Variants in COL12A1 observed in about 807,000 individuals in gnomAD.
The protein encoded by COL12A1 is collagen type XII alpha 1 chain, also known as collagen alpha-1(XII) chain.
In COL12A1, 114 loss-of-function variants were observed where a neutral mutation model predicts 349.7. The ratio of observed to expected loss-of-function variants is 0.33; its 90% CI spans 0.28 to 0.38. The LOEUF is 0.38. Among genes scored for constraint, COL12A1 ranks in the 10% least tolerant of loss-of-function variants. The pLI is 1.00. For synonymous variants in COL12A1, 1,369 were observed against 1,329.0 expected (o/e 1.03, Z -0.66); for missense variants, 3,284 against 3,756.9 (o/e 0.87, Z 3.29).
At chr6:75,163,648 A>C (rs886989319) in intron 14 of COL12A1, among the ~76,000 whole-genome samples, 1 of 152,094 alleles carries the variant, frequency 6.6e-6, no homozygotes, top group Non-Finnish European at 1.5e-5. Context: ...GTACCCCAGA[A>C]CTTAAAGTAT....
intron 13 of COL12A1, among the ~76,000 whole-genome samples, chr6:75,169,950 G>T (rs551674328): frequency 2.0e-5 from 3 of 152,158 alleles, no homozygotes; most frequent in African/African-American, 7.2e-5. Flanking sequence ...TCTAGTGTGT[G>T]CTTGCATGTG....
intron 51 of COL12A1, among the ~76,000 whole-genome samples, chr6:75,110,129 C>G (rs1285399857): frequency 6.6e-6 from 1 of 151,826 alleles, no homozygotes; most frequent in Non-Finnish European, 1.5e-5. Flanking sequence ...ACATAACTTA[C>G]CAAAAATAAA....
At chr6:75,096,386 T>G (rs1393302659) in intron 59 of COL12A1, among the ~76,000 whole-genome samples, 1 of 152,152 alleles carries the variant, frequency 6.6e-6, no homozygotes, top group Non-Finnish European at 1.5e-5. Flanking sequence ...CACACAGACA[T>G]GGAGGCTATC....
At chr6:75,188,623 C>T in intron 7 of COL12A1, 88 bp from the exon 8 acceptor site, 4 of 1,391,832 alleles carry the variant, frequency 2.9e-6, no homozygotes, top group African/African-American at 2.9e-5. Flanking sequence ...TCTTTCACAA[C>T]TGAAGACATA....
chr6:75,147,460 CT>C, intron 23 of COL12A1, among the ~76,000 whole-genome samples: 1 of 152,290 alleles, frequency 6.6e-6, no homozygotes, highest in African/African-American at 2.4e-5. Flanking sequence ...CAGTGACCCC[CT>C]ATTCCACAGT....
chr6:75,190,610 C>T lies in COL12A1; in HGVS notation c.395-795G>A, dbSNP rs142349551. On this transcript the variant is annotated intron_variant, in intron 5 of 65. Transcript: ENST00000322507. ...CTGAATATGTTATCTTTCCTTCTCT[C>T]TATGGTGGAGGTCAGGTTGGTTTTA... Among the ~76,000 whole-genome samples the T allele has an allele frequency of 2.3e-3, 343 of 151,956 alleles. 1 individual carries two copies. Among genetic ancestry groups the T allele is most frequent in the African/African-American group, 7.9e-3 (328 of 41,502 alleles).
Position 75,084,579 on chromosome 6 carries a change from T to C in COL12A1, c.*1968A>G, listed in dbSNP as rs2149318095. The C allele has an allele frequency of 6.5e-6, 1 of 152,802 alleles. No individual in the cohort carries two copies. Among genetic ancestry groups the C allele is most frequent in the African/African-American group, 2.4e-5 (1 of 41,562 alleles). 9.5% of individuals were successfully genotyped at this position (152,802 alleles called of 1,614,324 possible). ...CTGCAATTTGGTATAAATGTTAGTGTGTCTAAAACAAGGAGGTTTAAGGCA... is the reference window on the plus strand; with the variant it reads ...CTGCAATTTGGTATAAATGTTAGTGCGTCTAAAACAAGGAGGTTTAAGGCA... On this transcript the variant is annotated 3_prime_UTR_variant, in exon 66 of 66. Transcript: ENST00000322507.
At chr6:75,092,044 TAAAA>T (rs1767792734) in intron 60 of COL12A1, among the ~76,000 whole-genome samples, 1 of 152,090 alleles carries the variant, frequency 6.6e-6, no homozygotes, top group African/African-American at 2.4e-5. Context: ...ACATTTGAGA[TAAAA>T]GAAACTGGGT....
chr6:75,183,566 C>T lies in COL12A1; in HGVS notation c.1375G>A (p.Val459Ile), dbSNP rs368199250. Reference sequence around the variant, plus strand: ...ACAAGAACTTCCAAAAAGGCTCTAACTTTAACAAAGTTTGCAATCCCAATG... The same window carrying T: ...ACAAGAACTTCCAAAAAGGCTCTAATTTTAACAAAGTTTGCAATCCCAATG... ...YSIGIANFVKVRAFLEVLVKS... is the reference protein window; with the variant it reads ...YSIGIANFVKIRAFLEVLVKS... The change falls in exon 10 of 66, where the codon GTT becomes ATT. Residue 459 changes from valine to isoleucine, a missense_variant. Val to Ile is a conservative substitution (Grantham distance 29). This residue lies in a region of COL12A1 where 2,601 missense variants were observed against 2,824.8 expected (regional missense o/e 0.92). Coordinates refer to ENST00000322507, the MANE Select transcript of COL12A1 (RefSeq NM_004370.6). 1.5e-5 allele frequency: 24 copies of T among 1,614,020 alleles called. No individual in the cohort carries two copies. The highest frequency in any genetic ancestry group is 1.9e-5 in the Non-Finnish European group (22 of 1,180,034).
chr6:75,192,434 G>T, intron 3 of COL12A1, 79 bp from the exon 4 acceptor site: 1 of 1,298,078 alleles, frequency 7.7e-7, no homozygotes, highest in Non-Finnish European at 1.1e-6. Flanking sequence ...ATTCCCAGAG[G>T]TACTCAAAAT....
rs1407845992 is a variant in COL12A1, at chr6:75,138,804, A to G, written c.5097+18T>C. On this transcript the variant is annotated intron_variant, in intron 28 of 65. Coordinates refer to ENST00000322507, the MANE Select transcript of COL12A1 (RefSeq NM_004370.6). ...TGGGACATGAAAGACAGAGAGAAAG[A>G]TAAAGAGAGTTAACTACCTCCATCT... 1 of 1,613,472 alleles carries G rather than the reference A, an allele frequency of 6.2e-7. No individual in the cohort carries two copies. The highest frequency in any genetic ancestry group is 8.5e-7 in the Non-Finnish European group (1 of 1,179,770).
intron 52 of COL12A1, among the ~76,000 whole-genome samples, chr6:75,107,532 A>G (rs952153034): frequency 6.6e-6 from 1 of 152,156 alleles, no homozygotes; most frequent in Non-Finnish European, 1.5e-5. Flanking sequence ...CGGCCTCCCA[A>G]AGTGCTGGGA....
At position 75,119,411 on chromosome 6, in the gene COL12A1, G is replaced by A; in HGVS notation, c.7149C>T (p.Asp2383=). 6.2e-7 allele frequency: 1 copy of A among 1,613,940 alleles called. No individual in the cohort carries two copies. The highest frequency in any genetic ancestry group is 8.5e-7 in the Non-Finnish European group (1 of 1,179,882). ...KSEFKLNTYN[D]KALALGALQN... is the part of the protein sequence containing the mutation. ...GGAGGGCCCCAAGGGCTAGGGCCTT[G>A]TCATTGTACGTGTTCAGCTTGAACT... Residue 2383 remains aspartate, a synonymous_variant, in exon 45 of 66, where the codon GAC becomes GAT. Coordinates refer to ENST00000322507, the MANE Select transcript of COL12A1 (RefSeq NM_004370.6).
At chr6:75,160,474 C>T (rs1767978926) in intron 14 of COL12A1, among the ~76,000 whole-genome samples, 1 of 152,166 alleles carries the variant, frequency 6.6e-6, no homozygotes. Flanking sequence ...CCTTAGGATT[C>T]CTCTACCATC....
chr6:75,174,555 C>CA (rs1768817460), intron 13 of COL12A1, among the ~76,000 whole-genome samples: 1 of 150,852 alleles, frequency 6.6e-6, no homozygotes, highest in South Asian at 2.1e-4. Flanking sequence ...GACTCTGTCT[C>CA]ACAAAAAAAA....
At position 75,117,429 on chromosome 6, in the gene COL12A1, T is replaced by C. The variant is rs199633490; in HGVS notation, c.7472A>G (p.Lys2491Arg). 2.9e-5 allele frequency: 47 copies of C among 1,613,574 alleles called. No homozygotes were observed. Among genetic ancestry groups the C allele is most frequent in the South Asian group, 1.6e-4 (15 of 91,072 alleles). Residue 2491 changes from lysine to arginine, a missense_variant, in exon 47 of 66, where the codon AAG (lysine) becomes AGG (arginine). This residue lies in a region of COL12A1 where 683 missense variants were observed against 932.1 expected (regional missense o/e 0.73). Transcript: ENST00000322507. The stretch of plus-strand genomic sequence containing the variant: ...AAATGTAATAAGATTGTCTTCGATC[T>C]TCTCAAAAGATTCAAAGTCGTCCAC... ...FIVDDFESFE[K>R]IEDNLITFVC...
chr6:75,092,651 T>C (rs1014489568), intron 60 of COL12A1, among the ~76,000 whole-genome samples: 1 of 151,040 alleles, frequency 6.6e-6, no homozygotes, highest in Non-Finnish European at 1.5e-5. Flanking sequence ...ACTACTCCAA[T>C]ACCCTCCTAA....
At chr6:75,175,662 A>G (rs1768900605) in intron 12 of COL12A1, among the ~76,000 whole-genome samples, 1 of 152,244 alleles carries the variant, frequency 6.6e-6, no homozygotes, top group Non-Finnish European at 1.5e-5. Context: ...TTAGTATTAC[A>G]ATGCAGATTT....
At chr6:75,089,360 G>A (rs1459701300) in intron 63 of COL12A1, among the ~76,000 whole-genome samples, 186 bp from the exon 64 acceptor site, 2 of 151,970 alleles carry the variant, frequency 1.3e-5, no homozygotes, top group African/African-American at 4.8e-5. Flanking sequence ...TAGATTTATG[G>A]CCAAGAAAAA....
Sources: allele counts gnomAD v4.1 joint callset (sites outside exome capture counted in the v4.1 genomes callset), GRCh38; gene constraint gnomAD v4.1.1; regional missense constraint gnomAD v4.1.1; transcripts MANE v1.5; gene names NCBI Gene and HGNC (gene_info 2026-07-23, HGNC 2026-07-21).